Variants in MN1 observed in about 807,000 individuals in gnomAD.
The protein encoded by MN1 is transcriptional activator MN1.
In MN1, 19 loss-of-function variants were observed where a neutral mutation model predicts 86.9. The observed-to-expected ratio is 0.22, with a 90% CI of 0.15 to 0.32. The LOEUF is 0.32. MN1 is among the 10% of genes least tolerant of loss of function. The pLI, the probability that MN1 is intolerant of heterozygous loss-of-function variation, is 1.00. For missense variants in MN1, 1,841 were observed against 1,862.0 expected (o/e 0.99, Z 0.21); for synonymous variants, 928 against 849.6 (o/e 1.09, Z -1.60).
chr22:27,752,051 T>A (rs1346326774), intron 1 of MN1, among the ~76,000 whole-genome samples: 2 of 152,144 alleles, frequency 1.3e-5, no homozygotes, highest in Non-Finnish European at 2.9e-5. Context: ...GGCCTTAGCT[T>A]GCTCATACTC....
At chr22:27,775,832 C>G (rs1403192709) in intron 1 of MN1, among the ~76,000 whole-genome samples, 1 of 152,242 alleles carries the variant, frequency 6.6e-6, no homozygotes, top group Non-Finnish European at 1.5e-5. Context: ...GCTCCGCTCT[C>G]TCCCCGAATG....
intron 1 of MN1, among the ~76,000 whole-genome samples, chr22:27,788,411 C>T (rs1052631966): frequency 6.6e-6 from 1 of 152,178 alleles, no homozygotes; most frequent in Non-Finnish European, 1.5e-5. Flanking sequence ...TCTCAACCAA[C>T]CCCTGCTTTC....
chr22:27,784,542 A>G (rs2146308579), intron 1 of MN1, among the ~76,000 whole-genome samples: 1 of 152,316 alleles, frequency 6.6e-6, no homozygotes, highest in Admixed American at 6.5e-5. Flanking sequence ...GTTTAAAATG[A>G]AACATGCTCT....
chr22:27,785,331 T>C (rs911935113), intron 1 of MN1, among the ~76,000 whole-genome samples: 1 of 152,122 alleles, frequency 6.6e-6, no homozygotes, highest in Non-Finnish European at 1.5e-5. Context: ...ACCCCCTCTG[T>C]CGAGAAGCAA....
chr22:27,765,637 G>A (rs1932863872), intron 1 of MN1, among the ~76,000 whole-genome samples: 1 of 152,246 alleles, frequency 6.6e-6, no homozygotes, highest in African/African-American at 2.4e-5. Flanking sequence ...AAAGCAGACA[G>A]TGACCGGCCG....
At position 27,798,832 on chromosome 22, in the gene MN1, C is replaced by T. The variant is rs1282809542; in HGVS notation, c.1712G>A (p.Arg571His). ...MASRNQQQRL[R>H]QPNLAQLGHP... The stretch of plus-strand genomic sequence containing the variant: ...GCCTAGCTGAGCCAGGTTGGGCTGG[C>T]GCAGCCGCTGCTGCTGATTCCGCGA... The change falls in exon 1 of 2, where the codon CGC (arginine) becomes CAC (histidine). Residue 571 changes from arginine to histidine, a missense_variant. Transcript: ENST00000302326. 3.2e-6 allele frequency: 5 copies of T among 1,538,524 alleles called. No individual in the cohort carries two copies. Among genetic ancestry groups the T allele is most frequent in the South Asian group, 1.2e-5 (1 of 84,042 alleles).
intron 1 of MN1, among the ~76,000 whole-genome samples, chr22:27,795,560 G>T (rs1933279847): frequency 6.6e-6 from 1 of 152,078 alleles, no homozygotes; most frequent in South Asian, 2.1e-4. Context: ...GCCAGCCACT[G>T]GTTCCATGGT....
intron 1 of MN1, among the ~76,000 whole-genome samples, chr22:27,789,955 A>G (rs1201929834): frequency 6.6e-6 from 1 of 152,220 alleles, no homozygotes; most frequent in Admixed American, 6.5e-5. Context: ...TGCCAGTCCA[A>G]TATGGTCTTG....
At chr22:27,763,097 AAAAAC>A (rs368897947) in intron 1 of MN1, among the ~76,000 whole-genome samples, 28 of 152,196 alleles carry the variant, frequency 1.8e-4, no homozygotes, top group African/African-American at 5.8e-4. Flanking sequence ...CTTATCTCAA[AAAAAC>A]AAAACAAAAC....
At chr22:27,753,545 C>T (rs1406931602) in intron 1 of MN1, among the ~76,000 whole-genome samples, 1 of 152,170 alleles carries the variant, frequency 6.6e-6, no homozygotes, top group Non-Finnish European at 1.5e-5. Flanking sequence ...CCCCTAAAGC[C>T]CCACTACTTC....
rs1314196396 is a variant in MN1, at chr22:27,799,413, C to A, written c.1131G>T (p.Ala377=). 1 of 1,489,592 alleles carries A rather than the reference C, an allele frequency of 6.7e-7. No individual in the cohort carries two copies. The highest frequency in any genetic ancestry group is 2.5e-5 in the Admixed American group (1 of 39,970). 92.3% of individuals were successfully genotyped at this position (1,489,592 alleles called of 1,614,324 possible). A position where few individuals can be genotyped will look rare whatever the true frequency, so the allele number is the denominator to read the frequency against. The change falls in exon 1 of 2, where the codon GCG becomes GCT. Residue 377 remains alanine (A), a synonymous_variant. Transcript: ENST00000302326. ...CCTCGCCCTGCTGGGGCCGAGGGAGCGCAGGCGGGCACGAATTTTGTCGGA... is the reference window on the plus strand; with the variant it reads ...CCTCGCCCTGCTGGGGCCGAGGGAGAGCAGGCGGGCACGAATTTTGTCGGA... The part of the protein sequence containing the change: ...LLVRQNSCPP[A]LPRPQQGEAG...
chr22:27,765,557 C>T (rs900831144), intron 1 of MN1, among the ~76,000 whole-genome samples: 1 of 152,242 alleles, frequency 6.6e-6, no homozygotes, highest in Non-Finnish European at 1.5e-5. Flanking sequence ...TGAGGACCCC[C>T]GTGTGGGCTG....
Position 27,799,392 on chromosome 22 carries a change from G to T in MN1, c.1152C>A (p.Gly384=), listed in dbSNP as rs1444371963. 1 of 1,524,034 alleles carries T rather than the reference G, an allele frequency of 6.6e-7. No homozygotes were observed. The highest frequency in any genetic ancestry group is 8.8e-7 in the Non-Finnish European group (1 of 1,140,540). 94.4% of individuals were successfully genotyped at this position (1,524,034 alleles called of 1,614,324 possible). A position where few individuals can be genotyped will look rare whatever the true frequency, so the allele number is the denominator to read the frequency against. The stretch of plus-strand genomic sequence containing the variant: ...GGCCGCCGCTGGGCGTGCCCGCCTC[G>T]CCCTGCTGGGGCCGAGGGAGCGCAG... The part of the protein sequence containing the change: ...CPPALPRPQQ[G]EAGTPSGGLQ... Residue 384 remains glycine (G), a synonymous_variant, in exon 1 of 2, where the codon GGC becomes GGA. Coordinates refer to ENST00000302326, the MANE Select transcript of MN1 (RefSeq NM_002430.3).
chr22:27,778,864 A>G (rs1224129741), intron 1 of MN1, among the ~76,000 whole-genome samples: 1 of 152,234 alleles, frequency 6.6e-6, no homozygotes, highest in Non-Finnish European at 1.5e-5. Flanking sequence ...AGCCCAGACC[A>G]CAGCGGCCCA....
intron 1 of MN1, among the ~76,000 whole-genome samples, chr22:27,796,558 G>T (rs1206884298): frequency 1.3e-5 from 2 of 151,338 alleles, no homozygotes; most frequent in Non-Finnish European, 3.0e-5. Flanking sequence ...GGTAACATGT[G>T]GGGGGCTTGG....
In MN1 at chr22:27,800,302, C is replaced by A; in HGVS notation, c.242G>T (p.Gly81Val). The change falls in exon 1 of 2, where the codon GGG becomes GTG. Residue 81 changes from glycine (G) to valine (V), a missense_variant. Coordinates refer to ENST00000302326, the MANE Select transcript of MN1 (RefSeq NM_002430.3). ...GTGCACAGGCTGCGCTTGCAGCCCC[C>A]CTGCGTGCAACTCCGAGTGGCCGCG... ...HARGHSELHA[G>V]GLQAQPVHGF... 1 of 1,577,126 alleles carries A rather than the reference C, an allele frequency of 6.3e-7. No homozygotes were observed. Among genetic ancestry groups the A allele is most frequent in the Non-Finnish European group, 8.6e-7 (1 of 1,161,738 alleles).
chr22:27,761,880 A>C (rs914235369), intron 1 of MN1, among the ~76,000 whole-genome samples: 2 of 152,206 alleles, frequency 1.3e-5, no homozygotes, highest in Middle Eastern at 3.2e-3. Flanking sequence ...GAACTGGCCG[A>C]GGGCTCCACA....
At position 27,749,773 on chromosome 22, in the gene MN1, T is replaced by C. The variant is rs955418272; in HGVS notation, c.*1142A>G. 4.8e-5 allele frequency: 11 copies of C among 231,416 alleles called. No individual in the cohort carries two copies. The Admixed American group carries it at 6.2e-4, about 13-fold the overall frequency. The allele number at this position is 231,416 out of a possible 1,614,324, so 14.3% of individuals were successfully genotyped here. On this transcript the variant is annotated 3_prime_UTR_variant, in exon 2 of 2. Transcript: ENST00000302326. ...ATCCCTGCAAAGGCTCAGAGAAGGCTGAGCAGGCTGAGCAAGAGGGTGCCT... is the reference window on the plus strand; with the variant it reads ...ATCCCTGCAAAGGCTCAGAGAAGGCCGAGCAGGCTGAGCAAGAGGGTGCCT...
At chr22:27,759,518 G>A (rs1932821225) in intron 1 of MN1, among the ~76,000 whole-genome samples, 1 of 150,056 alleles carries the variant, frequency 6.7e-6, no homozygotes, top group South Asian at 2.2e-4. Context: ...TCCCAACTCT[G>A]AGCTTGGAGG....
Sources: allele counts gnomAD v4.1 joint callset (sites outside exome capture counted in the v4.1 genomes callset), GRCh38; gene constraint gnomAD v4.1.1; transcripts MANE v1.5; gene names NCBI Gene and HGNC (gene_info 2026-07-23, HGNC 2026-07-21).